The following TJP2 variants were observed in gnomAD, a reference collection of about 807,000 sequenced individuals.
TJP2 encodes tight junction protein 2.
A neutral mutation model predicts 133.1 loss-of-function variants in TJP2; 91 were observed. The ratio of observed to expected loss-of-function variants is 0.68; its 90% CI spans 0.58 to 0.81. The LOEUF (loss-of-function observed/expected upper bound fraction) is 0.81, where lower values mean the gene tolerates loss of function less well. TJP2 is among the 40% of genes least tolerant of loss of function. The pLI is 0.00. For missense variants in TJP2, 1,541 were observed against 1,565.6 expected, an observed-to-expected ratio of 0.98 and a Z score of 0.26; for synonymous variants, 592 against 583.4, an observed-to-expected ratio of 1.01 and a Z score of -0.21.
In TJP2 at chr9:69,252,915, G is replaced by C; in HGVS notation, c.3407+15G>C. On this transcript the variant is annotated intron_variant, in intron 22 of 22. Coordinates refer to ENST00000377245, the MANE Select transcript of TJP2 (RefSeq NM_004817.4). ...CAGCACACGAGGTAAGGGCTGCCTA[G>C]TGGGTACAGGTCTAAGGCGGGGACT... The C allele has an allele frequency of 1.9e-6, 3 of 1,613,348 alleles. No individual in the cohort carries two copies. Among genetic ancestry groups the C allele is most frequent in the Non-Finnish European group, 2.5e-6 (3 of 1,179,272 alleles).
intron 2 of TJP2, among the ~76,000 whole-genome samples, chr9:69,168,431 G>C (rs899236986): frequency 2.6e-5 from 4 of 151,976 alleles, no homozygotes; most frequent in Admixed American, 1.3e-4. Flanking sequence ...TTTAGGATCT[G>C]GGAAGTGTAC....
Position 69,251,037 on chromosome 9 carries a change from C to T in TJP2, c.2994C>T (p.Ala998=). 1.2e-6 allele frequency: 2 copies of T among 1,614,078 alleles called. No homozygotes were observed. The highest frequency in any genetic ancestry group is 1.7e-6 in the Non-Finnish European group (2 of 1,179,990). Residue 998 remains alanine (A), a splice_region_variant and synonymous_variant, in exon 21 of 23, where the codon GCC becomes GCT. Coordinates refer to ENST00000377245, the MANE Select transcript of TJP2 (RefSeq NM_004817.4). The part of the protein sequence containing the change: ...PPAFKPEPPK[A]KTQNKEESYD... The stretch of plus-strand genomic sequence containing the variant: ...AAACGTGTCATTGCTCTCCGCAGGC[C>T]AAAACCCAGAACAAAGAAGAATCCT...
intron 3 of TJP2, among the ~76,000 whole-genome samples, chr9:69,217,336 C>T (rs1828466493): frequency 6.6e-6 from 1 of 152,112 alleles, no homozygotes. Flanking sequence ...CACAGGATAA[C>T]TTCTCAGGAC....
chr9:69,150,085 G>C (rs938323760), intron 1 of TJP2, among the ~76,000 whole-genome samples: 2 of 151,962 alleles, frequency 1.3e-5, no homozygotes, highest in African/African-American at 4.8e-5. Flanking sequence ...AGGAGGCGGT[G>C]GTTGCAGTGA....
At chr9:69,199,955 A>C (rs1211663009) in intron 1 of TJP2, among the ~76,000 whole-genome samples, 2 of 152,112 alleles carry the variant, frequency 1.3e-5, no homozygotes, top group Non-Finnish European at 2.9e-5. Flanking sequence ...GAAAAATTGT[A>C]TATTTAGTAC....
In TJP2 at chr9:69,238,729, A is replaced by C. The variant is rs1434422129; in HGVS notation, c.2295A>C (p.Ala765=). The C allele has an allele frequency of 6.2e-7, 1 of 1,613,956 alleles. No individual in the cohort carries two copies. Among genetic ancestry groups the C allele is most frequent in the Non-Finnish European group, 8.5e-7 (1 of 1,179,888 alleles). The change falls in exon 16 of 23, where the codon GCA becomes GCC. Residue 765 remains alanine, a synonymous_variant. Transcript: ENST00000377245. ...TTGCAGAAACGGAACCAAAAGATGC[A>C]GGATCTGAGAAATCCACTGGAGTGG... ...FQTAKTEPKD[A]GSEKSTGVVR...
chr9:69,232,216 TA>T (rs1282344653), intron 11 of TJP2, among the ~76,000 whole-genome samples: 1 of 152,206 alleles, frequency 6.6e-6, no homozygotes, highest in African/African-American at 2.4e-5. Context: ...GGTCAGGCAA[TA>T]GGTGGTCCTC....
chr9:69,208,828 T>C (rs1250496477), intron 1 of TJP2, among the ~76,000 whole-genome samples: 4 of 152,220 alleles, frequency 2.6e-5, no homozygotes, highest in Admixed American at 6.5e-5. Flanking sequence ...TAATTTTTTT[T>C]CCCCCTTAAT....
chr9:69,248,941 T>C, intron 19 of TJP2: 1 of 977,320 alleles, frequency 1.0e-6, no homozygotes, highest in Non-Finnish European at 1.2e-6. Flanking sequence ...TTCCAGTAAA[T>C]GATTTTTTTC....
chr9:69,182,724 A>T (rs1564410802), intron 1 of TJP2, among the ~76,000 whole-genome samples: 1 of 151,900 alleles, frequency 6.6e-6, no homozygotes, highest in Non-Finnish European at 1.5e-5. Context: ...AATTTCGTTG[A>T]ATTTATATGT....
At chr9:69,183,719 T>A (rs998388417) in intron 1 of TJP2, among the ~76,000 whole-genome samples, 3 of 152,220 alleles carry the variant, frequency 2.0e-5, no homozygotes, top group Non-Finnish European at 2.9e-5. Flanking sequence ...AGGGATTTTT[T>A]AAAAAACTTA....
At chr9:69,203,429 G>T (rs1827146729) in intron 1 of TJP2, among the ~76,000 whole-genome samples, 2 of 151,808 alleles carry the variant, frequency 1.3e-5, no homozygotes, top group South Asian at 4.2e-4. Context: ...AGTCTCCTGG[G>T]TAGCTGGGGT....
intron 1 of TJP2, among the ~76,000 whole-genome samples, chr9:69,133,665 C>T (rs868225476): frequency 6.6e-6 from 1 of 150,732 alleles, no homozygotes; most frequent in African/African-American, 2.4e-5. Context: ...GATTCTCCTG[C>T]CTCAGCCTCC....
intron 22 of TJP2, 113 bp from the exon 23 acceptor site, chr9:69,254,096 A>T: frequency 8.2e-7 from 1 of 1,226,286 alleles, no homozygotes; most frequent in Non-Finnish European, 1.2e-6. Context: ...TGTGGCTCAG[A>T]GGTAAGTGAT....
At chr9:69,174,690 C>G (rs944590593) in intron 1 of TJP2, among the ~76,000 whole-genome samples, 1 of 152,202 alleles carries the variant, frequency 6.6e-6, no homozygotes, top group Non-Finnish European at 1.5e-5. Flanking sequence ...GTAGGGGACA[C>G]TGTCTTGAAC....
intron 7 of TJP2, among the ~76,000 whole-genome samples, chr9:69,227,424 G>C (rs1294126194): frequency 6.6e-6 from 1 of 152,154 alleles, no homozygotes; most frequent in Non-Finnish European, 1.5e-5. Context: ...AGATTTGTAT[G>C]CACCTTAAAG....
chr9:69,221,794 C>T (rs1209840655), intron 5 of TJP2, among the ~76,000 whole-genome samples: 6 of 150,234 alleles, frequency 4.0e-5, no homozygotes, highest in South Asian at 4.3e-4. Context: ...TGAGGTGATC[C>T]GTCCACCTGA....
chr9:69,148,923 A>G (rs1410797209), intron 1 of TJP2, among the ~76,000 whole-genome samples: 2 of 152,242 alleles, frequency 1.3e-5, no homozygotes, highest in African/African-American at 4.8e-5. Context: ...GAAAGATAGA[A>G]TAAAAATAAT....
chr9:69,221,716 G>T (rs956020331), intron 5 of TJP2, among the ~76,000 whole-genome samples: 2 of 151,824 alleles, frequency 1.3e-5, no homozygotes, highest in Admixed American at 6.6e-5. Flanking sequence ...ACCACGCCCA[G>T]CTAATTTTAT....
Sources: gnomAD v4.1 joint callset for allele counts (sites outside exome capture counted in the v4.1 genomes callset) on GRCh38, gnomAD v4.1.1 for gene constraint, MANE v1.5 for transcripts, NCBI Gene and HGNC (gene_info 2026-07-23, HGNC 2026-07-21) for gene names.